Variants in SLC15A5 observed in about 807,000 individuals in gnomAD.
SLC15A5 encodes solute carrier family 15 member 5.
Under a neutral mutation model 56.1 loss-of-function variants are expected in SLC15A5, and 58 were observed. The observed-to-expected ratio is 1.03, with a 90% confidence interval of 0.84 to 1.29. The LOEUF is 1.29. SLC15A5 is among the 50% of genes most tolerant of loss of function. The probability of loss-of-function intolerance (pLI) is 0.00; values close to 1 mark genes in which losing one functional copy is unlikely to be tolerated. For synonymous variants in SLC15A5, 264 were observed against 250.5 expected (o/e 1.05, Z -0.51); for missense variants, 681 against 672.1 (o/e 1.01, Z -0.15).
intron 7 of SLC15A5, among the ~76,000 whole-genome samples, chr12:16,212,982 C>T (rs1864097848): frequency 6.6e-6 from 1 of 152,108 alleles, no homozygotes; most frequent in Admixed American, 6.6e-5. Context: ...TGACCATAAG[C>T]AGGATGCAAC....
intron 2 of SLC15A5, among the ~76,000 whole-genome samples, chr12:16,259,749 G>A (rs1010913480): frequency 6.6e-6 from 1 of 152,180 alleles, no homozygotes; most frequent in Non-Finnish European, 1.5e-5. Flanking sequence ...ACACAGGAGA[G>A]TATGACAAAG....
At position 16,235,990 on chromosome 12, in the gene SLC15A5, G is replaced by A. The variant is rs1864348691; in HGVS notation, c.1162+3691C>T. Reference sequence around the variant, plus strand: ...CATGTTTTTATTTTAAAGAAAAAAGGTATTGCAGTTATGTGAATATATTTC... The same window carrying A: ...CATGTTTTTATTTTAAAGAAAAAAGATATTGCAGTTATGTGAATATATTTC... On this transcript the variant is annotated intron_variant, in intron 5 of 8. Transcript: ENST00000344941. This position sits in a 1 kb window ranked among gnomAD's most constrained non-coding sequence, Gnocchi z 4.1. Among the ~76,000 whole-genome samples the A allele has an allele frequency of 1.3e-5, 2 of 152,066 alleles. No homozygotes were observed. The highest frequency in any genetic ancestry group is 2.9e-5 in the Non-Finnish European group (2 of 67,976).
intron 7 of SLC15A5, among the ~76,000 whole-genome samples, chr12:16,210,297 T>C (rs928862697): frequency 6.6e-6 from 1 of 152,162 alleles, no homozygotes. Context: ...CGTAGGAGGC[T>C]TCATTAATTA....
At chr12:16,210,962 A>C (rs1313804630) in intron 7 of SLC15A5, among the ~76,000 whole-genome samples, 1 of 152,204 alleles carries the variant, frequency 6.6e-6, no homozygotes, top group Non-Finnish European at 1.5e-5. Flanking sequence ...CTGACTGAGG[A>C]CCATGAGCAG....
intron 7 of SLC15A5, among the ~76,000 whole-genome samples, chr12:16,216,454 T>G (rs1052498328): frequency 6.6e-6 from 1 of 152,216 alleles, no homozygotes; most frequent in African/African-American, 2.4e-5. Context: ...ATATCATTTA[T>G]TATTCAATTC....
intron 7 of SLC15A5, among the ~76,000 whole-genome samples, chr12:16,214,406 C>T (rs973167168): frequency 1.3e-5 from 2 of 152,172 alleles, no homozygotes; most frequent in Admixed American, 6.5e-5. Context: ...GGAGAGGGCC[C>T]ATAGATAATT....
At chr12:16,214,036 G>C (rs1311071809) in intron 7 of SLC15A5, among the ~76,000 whole-genome samples, 1 of 152,182 alleles carries the variant, frequency 6.6e-6, no homozygotes, top group Non-Finnish European at 1.5e-5. Context: ...ACTGGTTTCA[G>C]AATGCTGAGA....
rs1047020050 is a variant in SLC15A5, at chr12:16,200,311, A to T, written c.1484-5858T>A. 4.6e-5 allele frequency among the ~76,000 whole-genome samples: 7 copies of T among 151,934 alleles called. No individual in the cohort carries two copies. In the South Asian group the frequency reaches 1.2e-3, roughly 27 times the overall value. On this transcript the variant is annotated intron_variant, in intron 7 of 8. Coordinates refer to ENST00000344941, the MANE Select transcript of SLC15A5 (RefSeq NM_001170798.1). ...GAAAAACTATTTTAAAGGGACATTGAAAATTTTTTTATATTGATAAAAAAC... is the reference window on the plus strand; with the variant it reads ...GAAAAACTATTTTAAAGGGACATTGTAAATTTTTTTATATTGATAAAAAAC...
chr12:16,272,412 T>G, intron 2 of SLC15A5, 149 bp downstream of exon 2: 1 of 753,558 alleles, frequency 1.3e-6, no homozygotes, highest in South Asian at 1.8e-5. Context: ...CTCCTGTGAT[T>G]ACTGACTGAA....
chr12:16,254,956 A>G (rs1333953321), intron 3 of SLC15A5, among the ~76,000 whole-genome samples: 1 of 152,270 alleles, frequency 6.6e-6, no homozygotes, highest in East Asian at 1.9e-4. Flanking sequence ...TAACAATAAA[A>G]TATTATATAG....
intron 5 of SLC15A5, 34 bp downstream of exon 5, chr12:16,239,647 A>C (rs989148338): frequency 1.3e-6 from 2 of 1,522,626 alleles, no homozygotes; most frequent in Non-Finnish European, 1.8e-6. Context: ...AAAAGTTTCA[A>C]ACGATTCGCA....
intron 3 of SLC15A5, among the ~76,000 whole-genome samples, chr12:16,253,896 G>C (rs1864543530): frequency 6.6e-6 from 1 of 152,008 alleles, no homozygotes; most frequent in Admixed American, 6.6e-5. Context: ...CTTTAAAGTA[G>C]AATTACTACT....
Position 16,235,468 on chromosome 12 carries a change from G to A in SLC15A5, c.1162+4213C>T, listed in dbSNP as rs1209895347. Among the ~76,000 whole-genome samples the A allele has an allele frequency of 1.3e-5, 2 of 151,870 alleles. No individual in the cohort carries two copies. Among genetic ancestry groups the A allele is most frequent in the Middle Eastern group, 3.2e-3 (1 of 314 alleles). On this transcript the variant is annotated intron_variant, in intron 5 of 8. Transcript: ENST00000344941. This position sits in a 1 kb window ranked among gnomAD's most constrained non-coding sequence, Gnocchi z 4.1. ...TTACATAGAGATAAAATATGCAAAT[G>A]TATCTCTATAAGGCATCAGTTATTT...
Position 16,247,622 on chromosome 12 carries a change from G to T in SLC15A5, c.755-2822C>A, listed in dbSNP as rs149102258. Among the ~76,000 whole-genome samples the T allele has an allele frequency of 6.9e-3, 1,045 of 152,132 alleles. 2 individuals carry two copies. Among genetic ancestry groups the T allele is most frequent in the Non-Finnish European group, 9.8e-3 (665 of 67,980 alleles). ...CTGAGGATTAAATGACTAGAAACAG[G>T]CAAAGAGACGTAGGAAACATATGCC... On this transcript the variant is annotated intron_variant, in intron 3 of 8. Transcript: ENST00000344941.
chr12:16,211,425 C>T (rs1042803768), intron 7 of SLC15A5, among the ~76,000 whole-genome samples: 14 of 152,136 alleles, frequency 9.2e-5, no homozygotes, highest in Admixed American at 2.0e-4. Context: ...GCCCCTTTCC[C>T]GAATTTTGAG....
chr12:16,247,246 T>C (rs1300023698), intron 3 of SLC15A5, among the ~76,000 whole-genome samples: 2 of 152,106 alleles, frequency 1.3e-5, no homozygotes, highest in Non-Finnish European at 2.9e-5. Context: ...TATAGTGATA[T>C]GAAGCAACAA....
chr12:16,206,466 A>T (rs1001566332), intron 7 of SLC15A5, among the ~76,000 whole-genome samples: 2 of 152,212 alleles, frequency 1.3e-5, no homozygotes. Flanking sequence ...AATTTTCATG[A>T]TACCTGAAGG....
intron 3 of SLC15A5, among the ~76,000 whole-genome samples, chr12:16,253,103 T>C (rs559496031): frequency 6.6e-6 from 1 of 152,100 alleles, no homozygotes; most frequent in African/African-American, 2.4e-5. Flanking sequence ...AAGAATGAAG[T>C]TGGATCCTTG....
intron 2 of SLC15A5, among the ~76,000 whole-genome samples, chr12:16,259,199 AT>A (rs34426231): frequency 0.47 from 69,713 of 148,044 alleles, 16,342 homozygotes; most frequent in South Asian, 0.62. Flanking sequence ...ATACCTGGTA[AT>A]TTTTTTTTTT....
Sources: gnomAD v4.1 joint callset for allele counts (sites outside exome capture counted in the v4.1 genomes callset) on GRCh38, gnomAD v4.1.1 for gene constraint, Gnocchi (gnomAD v3.1) non-coding constraint, MANE v1.5 for transcripts, NCBI Gene and HGNC (gene_info 2026-07-23, HGNC 2026-07-21) for gene names.